Variants in TFB1M observed in about 807,000 individuals in gnomAD.
TFB1M encodes transcription factor B1, mitochondrial.
A neutral mutation model predicts 31.1 loss-of-function variants in TFB1M; 27 were observed. The observed-to-expected ratio is 0.87, with a 90% CI of 0.64 to 1.20. The LOEUF is 1.20. Ranked by LOEUF, TFB1M falls within the 50% of genes most tolerant of loss-of-function variation. The pLI, the probability that TFB1M is intolerant of heterozygous loss-of-function variation, is 0.00. For missense variants in TFB1M, 394 were observed against 418.7 expected (o/e 0.94, Z 0.51); for synonymous variants, 166 against 151.8 (o/e 1.09, Z -0.69).
chr6:155,238,650 T>C, the TFB1M span, among the ~76,000 whole-genome samples: 3 of 152,228 alleles, frequency 2.0e-5, no homozygotes, highest in South Asian at 6.2e-4. Flanking sequence ...CCAGGACATG[T>C]TACAACCCTT....
intron 6 of TFB1M, among the ~76,000 whole-genome samples, chr6:155,258,323 A>G (rs1044076319): frequency 1.3e-5 from 2 of 152,178 alleles, no homozygotes; most frequent in African/African-American, 4.8e-5. Flanking sequence ...CCAAAGCTAA[A>G]TCAGTACATG....
downstream of TFB1M, chr6:155,254,506 A>T (rs778301855): frequency 6.2e-7 from 1 of 1,614,162 alleles, no homozygotes; most frequent in African/African-American, 1.3e-5. Context: ...GTGAATTACC[A>T]CTGGAGAAAA....
At chr6:155,248,586 G>T in the TFB1M span, among the ~76,000 whole-genome samples, 2 of 152,244 alleles carry the variant, frequency 1.3e-5, no homozygotes, top group African/African-American at 4.8e-5. Flanking sequence ...GGTCAGATTT[G>T]TTGGGTGAGG....
intron 2 of TFB1M, chr6:155,299,398 A>C (rs1367347017): frequency 2.6e-5 from 4 of 152,190 alleles, no homozygotes; most frequent in Non-Finnish European, 4.4e-5. Flanking sequence ...CTTTATAGCT[A>C]AGTTATCTAT....
At chr6:155,232,074 C>G in the TFB1M span, among the ~76,000 whole-genome samples, 1 of 150,340 alleles carries the variant, frequency 6.7e-6, no homozygotes, top group Non-Finnish European at 1.5e-5. Context: ...GAGTGAGACT[C>G]TGTCTCAAAA....
chr6:155,252,386 T>C (rs939576467), downstream of TFB1M, among the ~76,000 whole-genome samples: 2 of 152,168 alleles, frequency 1.3e-5, no homozygotes, highest in African/African-American at 4.8e-5. Flanking sequence ...GGAGGATCAA[T>C]TGAGCCCAGG....
the TFB1M span, among the ~76,000 whole-genome samples, chr6:155,232,230 G>A: frequency 1.3e-5 from 2 of 151,996 alleles, no homozygotes; most frequent in African/African-American, 4.8e-5. Flanking sequence ...ACGAAGTTCA[G>A]AGTGAGTTGA....
chr6:155,296,057 C>G (rs1777156318), intron 4 of TFB1M, among the ~76,000 whole-genome samples: 1 of 152,082 alleles, frequency 6.6e-6, no homozygotes, highest in African/African-American at 2.4e-5. Flanking sequence ...GTCTGCACAT[C>G]CGTCCTTATA....
chr6:155,252,534 T>C (rs1783728214), downstream of TFB1M, among the ~76,000 whole-genome samples: 1 of 152,132 alleles, frequency 6.6e-6, no homozygotes, highest in Admixed American at 6.5e-5. Context: ...GAACATCGAC[T>C]TTTATATCCC....
the TFB1M span, among the ~76,000 whole-genome samples, chr6:155,248,642 A>C: frequency 6.6e-6 from 1 of 152,216 alleles, no homozygotes; most frequent in Non-Finnish European, 1.5e-5. Flanking sequence ...TTCAAAACCA[A>C]ACTCCCAATG....
At chr6:155,266,870 A>AG (rs1784665341) in intron 5 of TFB1M, among the ~76,000 whole-genome samples, 1 of 144,688 alleles carries the variant, frequency 6.9e-6, no homozygotes, top group Non-Finnish European at 1.5e-5. Flanking sequence ...AAAAAAAAAA[A>AG]AAGAATGACC....
rs199810238 is a variant in TFB1M, at chr6:155,257,986, G to A, written c.891C>T (p.Ile297=). The A allele has an allele frequency of 3.8e-5, 61 of 1,614,212 alleles. No homozygotes were observed. In the East Asian group the frequency reaches 1.3e-3, roughly 35 times the overall value. Residue 297 remains isoleucine (I), a synonymous_variant, in exon 7 of 7, where the codon ATC becomes ATT. Transcript: ENST00000367166. The stretch of plus-strand genomic sequence containing the variant: ...CATCACAGAGGCTCTTAAAGTGTGA[G>A]ATGGAGAGCTGGCGGGGCCGAAGAG... ...DPTLRPRQLS[I]SHFKSLCDVY...
intron 4 of TFB1M, among the ~76,000 whole-genome samples, chr6:155,286,509 A>G (rs1018902065): frequency 2.2e-5 from 3 of 134,234 alleles, no homozygotes; most frequent in African/African-American, 9.0e-5. Flanking sequence ...GTGTATATAT[A>G]TGTGTGTATA....
chr6:155,293,404 T>C (rs1258141078), intron 4 of TFB1M, among the ~76,000 whole-genome samples: 1 of 152,224 alleles, frequency 6.6e-6, no homozygotes, highest in East Asian at 1.9e-4. Flanking sequence ...GTGCTGCTTC[T>C]CATACTGCTT....
chr6:155,298,827 T>C (rs552226234), intron 2 of TFB1M, among the ~76,000 whole-genome samples: 1 of 152,220 alleles, frequency 6.6e-6, no homozygotes, highest in Non-Finnish European at 1.5e-5. Context: ...TTTACAAATA[T>C]ATTAGTGTAA....
At chr6:155,309,227 G>A (rs573137113) in intron 2 of TFB1M, among the ~76,000 whole-genome samples, 2 of 152,212 alleles carry the variant, frequency 1.3e-5, no homozygotes, top group Admixed American at 6.5e-5. Context: ...ATACACAGAT[G>A]CAGAAATAGT....
intron 5 of TFB1M, among the ~76,000 whole-genome samples, chr6:155,268,759 C>A (rs9397795): frequency 6.7e-6 from 1 of 149,302 alleles, no homozygotes. Context: ...AGCATGCTTG[C>A]TAAGAGTCAT....
chr6:155,236,689 A>T, the TFB1M span, among the ~76,000 whole-genome samples: 1 of 152,170 alleles, frequency 6.6e-6, no homozygotes, highest in Non-Finnish European at 1.5e-5. Context: ...AGAGCAAGTC[A>T]TATCTTACGT....
intron 5 of TFB1M, among the ~76,000 whole-genome samples, chr6:155,283,596 A>G (rs1438948653): frequency 2.0e-5 from 3 of 152,224 alleles, no homozygotes; most frequent in Non-Finnish European, 1.5e-5. Flanking sequence ...AACTCCATCA[A>G]ATAATCTCAA....
Sources: allele counts gnomAD v4.1 joint callset (sites outside exome capture counted in the v4.1 genomes callset), GRCh38; gene constraint gnomAD v4.1.1; transcripts MANE v1.5; gene names NCBI Gene and HGNC (gene_info 2026-07-23, HGNC 2026-07-21).